Variants in ADAMTS3 observed in about 807,000 individuals in gnomAD.
ADAMTS3 encodes the protein A disintegrin and metalloproteinase with thrombospondin motifs 3.
Under a neutral mutation model 129.0 loss-of-function variants are expected in ADAMTS3, and 73 were observed. That is an observed-to-expected ratio of 0.57 (90% CI 0.47 to 0.69). The LOEUF (loss-of-function observed/expected upper bound fraction) is 0.69, where lower values mean the gene tolerates loss of function less well. Among genes scored for constraint, ADAMTS3 ranks in the 30% least tolerant of loss-of-function variants. The pLI, the probability that ADAMTS3 is intolerant of heterozygous loss-of-function variation, is 0.00. For missense variants in ADAMTS3, 1,457 were observed against 1,514.5 expected (o/e 0.96, Z 0.63); for synonymous variants, 477 against 510.8 (o/e 0.93, Z 0.89).
intron 11 of ADAMTS3, among the ~76,000 whole-genome samples, chr4:72,315,102 T>C (rs942454216): frequency 6.6e-6 from 1 of 152,188 alleles, no homozygotes; most frequent in Non-Finnish European, 1.5e-5. Context: ...CCAAATCTTC[T>C]GTATAAGTTC....
chr4:72,513,489 T>C (rs190719264), intron 3 of ADAMTS3, among the ~76,000 whole-genome samples: 1 of 152,284 alleles, frequency 6.6e-6, no homozygotes, highest in African/African-American at 2.4e-5. Flanking sequence ...CTCCCCACCA[T>C]CTAACGGATT....
intron 4 of ADAMTS3, among the ~76,000 whole-genome samples, chr4:72,407,999 A>G (rs912649634): frequency 6.6e-6 from 1 of 152,130 alleles, no homozygotes. Context: ...TTAAATTTAG[A>G]TATTTAGACC....
At chr4:72,368,854 C>T (rs1720934295) in intron 4 of ADAMTS3, among the ~76,000 whole-genome samples, 1 of 152,164 alleles carries the variant, frequency 6.6e-6, no homozygotes, top group South Asian at 2.1e-4. Flanking sequence ...ATCATATGAA[C>T]TTTAGAACAT....
chr4:72,479,183 G>GA (rs1719346516), intron 3 of ADAMTS3, among the ~76,000 whole-genome samples: 1 of 152,138 alleles, frequency 6.6e-6, no homozygotes, highest in Admixed American at 6.5e-5. Flanking sequence ...CACAGAATTG[G>GA]AAAAAACTAC....
chr4:72,304,823 T>A (rs1560465227), intron 16 of ADAMTS3, among the ~76,000 whole-genome samples: 1 of 152,054 alleles, frequency 6.6e-6, no homozygotes. Flanking sequence ...GTGAAAAACA[T>A]GAGTAATTTT....
In ADAMTS3 at chr4:72,426,262, A is replaced by C. The variant is rs1722572116; in HGVS notation, c.505-11291T>G. Among the ~76,000 whole-genome samples the C allele has an allele frequency of 2.0e-5, 3 of 152,118 alleles. 1 individual carries two copies. In the South Asian group the frequency reaches 6.2e-4, roughly 32 times the overall value. ...CTTTGTCAGATGAGTAGATTGCAAAAATTTTCTCCTATGCTGTAAGTTGCC... is the reference window on the plus strand; with the variant it reads ...CTTTGTCAGATGAGTAGATTGCAAACATTTTCTCCTATGCTGTAAGTTGCC... On this transcript the variant is annotated intron_variant, in intron 3 of 21. Coordinates refer to ENST00000286657, the MANE Select transcript of ADAMTS3 (RefSeq NM_014243.3).
intron 3 of ADAMTS3, among the ~76,000 whole-genome samples, chr4:72,524,348 C>T (rs549195008): frequency 2.0e-5 from 3 of 152,178 alleles, no homozygotes; most frequent in African/African-American, 7.2e-5. Context: ...TAGATATTTT[C>T]TAAATACACA....
intron 3 of ADAMTS3, among the ~76,000 whole-genome samples, chr4:72,484,911 T>C (rs191039743): frequency 5.9e-4 from 90 of 152,286 alleles, no homozygotes; most frequent in Admixed American, 1.2e-3. Context: ...CATGTATCCT[T>C]GTTTTTCCTA....
chr4:72,283,232 A>C lies in ADAMTS3; in HGVS notation c.3522T>G (p.Asp1174Glu). 1 of 1,613,892 alleles carries C rather than the reference A, an allele frequency of 6.2e-7. No homozygotes were observed. Among genetic ancestry groups the C allele is most frequent in the Non-Finnish European group, 8.5e-7 (1 of 1,179,938 alleles). ...TTGCCTGAGAAGAAGCACCTATTGA[A>C]TCACTGGCTGCAAAGAAGGAAGCAG... The part of the protein sequence containing the change: ...MAAASFFAAS[D>E]SIGASSQART... The change falls in exon 22 of 22, where the codon GAT (aspartate) becomes GAG (glutamate). Residue 1174 changes from aspartate to glutamate, a missense_variant. Coordinates refer to ENST00000286657, the MANE Select transcript of ADAMTS3 (RefSeq NM_014243.3).
At chr4:72,323,323 G>A (rs905642411) in intron 5 of ADAMTS3, 1 of 505,110 alleles carries the variant, frequency 2.0e-6, no homozygotes. Flanking sequence ...GAACGTACAG[G>A]ACATGCTCAA....
At chr4:72,315,213 C>T (rs1024828016) in intron 11 of ADAMTS3, among the ~76,000 whole-genome samples, 1 of 152,206 alleles carries the variant, frequency 6.6e-6, no homozygotes, top group Non-Finnish European at 1.5e-5. Flanking sequence ...GTTGCTTCTT[C>T]CTATTCTGCC....
chr4:72,487,862 T>C (rs1320617645), intron 3 of ADAMTS3, among the ~76,000 whole-genome samples: 2 of 152,042 alleles, frequency 1.3e-5, no homozygotes, highest in African/African-American at 4.8e-5. Context: ...ATATAAACAT[T>C]ATAATCAAAA....
intron 3 of ADAMTS3, among the ~76,000 whole-genome samples, chr4:72,441,488 G>T (rs1718115548): frequency 6.6e-6 from 1 of 151,662 alleles, no homozygotes; most frequent in Non-Finnish European, 1.5e-5. Context: ...TTTGTTATTT[G>T]TCTGTTCATT....
At chr4:72,333,876 G>C (rs1719917590) in intron 5 of ADAMTS3, among the ~76,000 whole-genome samples, 1 of 127,312 alleles carries the variant, frequency 7.9e-6, no homozygotes, top group African/African-American at 3.1e-5. Context: ...TTGAGACGGA[G>C]TCTTGCTCTG....
intron 15 of ADAMTS3, among the ~76,000 whole-genome samples, chr4:72,308,348 A>G (rs1266098159): frequency 1.3e-5 from 2 of 152,020 alleles, no homozygotes; most frequent in Non-Finnish European, 2.9e-5. Flanking sequence ...TGAGTTAGGT[A>G]TCAGGGGTAT....
At position 72,283,482 on chromosome 4, in the gene ADAMTS3, G is replaced by A. The variant is rs772930168; in HGVS notation, c.3272C>T (p.Pro1091Leu). 2.5e-6 allele frequency: 4 copies of A among 1,613,998 alleles called. No individual in the cohort carries two copies. The highest frequency in any genetic ancestry group is 3.4e-6 in the Non-Finnish European group (4 of 1,179,958). Residue 1091 changes from proline to leucine, a missense_variant, in exon 22 of 22, where the codon CCT becomes CTT. Transcript: ENST00000286657. ...CTTTGCAGGGGTCTCTGAATGATAA[G>A]GAACCAAAGATGTAGGCATCACTAG... ...RSLVMPTSLV[P>L]YHSETPAKKM...
intron 10 of ADAMTS3, among the ~76,000 whole-genome samples, chr4:72,318,001 C>G (rs1308982808): frequency 6.6e-6 from 1 of 151,634 alleles, no homozygotes; most frequent in Non-Finnish European, 1.5e-5. Context: ...TGCACTCCAG[C>G]CTGGGCGACA....
intron 4 of ADAMTS3, among the ~76,000 whole-genome samples, chr4:72,342,507 G>A (rs1027996091): frequency 2.0e-5 from 3 of 151,836 alleles, no homozygotes; most frequent in Admixed American, 6.6e-5. Flanking sequence ...GGGATTACAG[G>A]CACACACCAC....
Position 72,359,158 on chromosome 4 carries a change from T to C in ADAMTS3, c.662-19465A>G, listed in dbSNP as rs1176468097. On this transcript the variant is annotated intron_variant, in intron 4 of 21. Coordinates refer to ENST00000286657, the MANE Select transcript of ADAMTS3 (RefSeq NM_014243.3). ...CAAGATCTTCTAAGAATCCGTGGCA[T>C]AAAATAGAAGATGCAACATTCAACA... is the stretch of plus-strand genomic sequence containing the variant. Among the ~76,000 whole-genome samples, 6 of 151,992 alleles carry C rather than the reference T, an allele frequency of 3.9e-5. 1 individual carries two copies. The highest frequency in any genetic ancestry group is 2.6e-4 in the Admixed American group (4 of 15,228).
Sources: allele counts gnomAD v4.1 joint callset (sites outside exome capture counted in the v4.1 genomes callset), GRCh38; gene constraint gnomAD v4.1.1; transcripts MANE v1.5; gene names NCBI Gene and HGNC (gene_info 2026-07-23, HGNC 2026-07-21).